The following CCDC102B variants were observed in gnomAD, a reference collection of about 807,000 sequenced individuals.
CCDC102B encodes coiled-coil domain-containing protein 102B.
A neutral mutation model predicts 57.4 loss-of-function variants in CCDC102B; 75 were observed. The ratio of observed to expected loss-of-function variants is 1.31; its 90% confidence interval spans 1.08 to 1.58. The LOEUF (loss-of-function observed/expected upper bound fraction) is 1.58, where lower values mean the gene tolerates loss of function less well. Ranked by LOEUF, CCDC102B falls within the 40% of genes most tolerant of loss-of-function variation. The probability of loss-of-function intolerance (pLI) is 0.00; values close to 1 mark genes in which losing one functional copy is unlikely to be tolerated. For synonymous variants in CCDC102B, 206 were observed against 201.9 expected, an observed-to-expected ratio of 1.02 and a Z score of -0.17; for missense variants, 636 against 582.6, an observed-to-expected ratio of 1.09 and a Z score of -0.94.
intron 6 of CCDC102B, among the ~76,000 whole-genome samples, chr18:68,909,467 A>G (rs2145064807): frequency 6.6e-6 from 1 of 152,316 alleles, no homozygotes; most frequent in East Asian, 1.9e-4. Flanking sequence ...AGATTCTACC[A>G]ATAAGTATTT....
chr18:68,866,347 G>A (rs1335813763), intron 4 of CCDC102B, among the ~76,000 whole-genome samples: 1 of 152,070 alleles, frequency 6.6e-6, no homozygotes, highest in Non-Finnish European at 1.5e-5. Flanking sequence ...TAATCTGGAG[G>A]CAATGGGATA....
At chr18:68,740,929 A>C (rs992762464) in intron 2 of CCDC102B, among the ~76,000 whole-genome samples, 1 of 152,218 alleles carries the variant, frequency 6.6e-6, no homozygotes, top group African/African-American at 2.4e-5. Context: ...GAAGGGAAGA[A>C]AATTGTTATT....
intron 2 of CCDC102B, among the ~76,000 whole-genome samples, chr18:68,746,847 A>T (rs188496421): frequency 6.6e-6 from 1 of 152,176 alleles, no homozygotes; most frequent in Non-Finnish European, 1.5e-5. Context: ...CATAAATATC[A>T]TTACCACGAT....
chr18:69,033,303 C>T (rs1467503259), intron 7 of CCDC102B, among the ~76,000 whole-genome samples: 2 of 152,064 alleles, frequency 1.3e-5, no homozygotes, highest in Non-Finnish European at 2.9e-5. Flanking sequence ...ATACACCATA[C>T]ATTTTGCCCA....
downstream of CCDC102B, among the ~76,000 whole-genome samples, chr18:69,056,639 A>AGATAGATAGATGGATG (rs1555678887): frequency 1.5e-5 from 2 of 129,944 alleles, no homozygotes; most frequent in Admixed American, 8.1e-5. Context: ...GATAGATAAT[A>AGATAGATAGATGGATG]GATAGATAGA....
chr18:68,916,273 A>G (rs2041070887), intron 6 of CCDC102B, among the ~76,000 whole-genome samples: 1 of 152,162 alleles, frequency 6.6e-6, no homozygotes, highest in African/African-American at 2.4e-5. Context: ...CCTAACACCC[A>G]GTAGACTACC....
chr18:68,784,775 C>T (rs1277172661), intron 2 of CCDC102B, among the ~76,000 whole-genome samples: 3 of 151,990 alleles, frequency 2.0e-5, no homozygotes, highest in Non-Finnish European at 4.4e-5. Context: ...TCTTTTAGTA[C>T]TTGGTTCAGA....
intron 2 of CCDC102B, among the ~76,000 whole-genome samples, chr18:68,727,717 C>T (rs2032661911): frequency 6.6e-6 from 1 of 152,188 alleles, no homozygotes; most frequent in Admixed American, 6.5e-5. Flanking sequence ...AGTGCCATGG[C>T]TCAGTATGGA....
At chr18:68,899,350 A>G (rs1246905194) in intron 6 of CCDC102B, among the ~76,000 whole-genome samples, 1 of 152,072 alleles carries the variant, frequency 6.6e-6, no homozygotes, top group African/African-American at 2.4e-5. Flanking sequence ...ACACAAAACC[A>G]TACTGTAGTT....
intron 1 of CCDC102B, among the ~76,000 whole-genome samples, chr18:68,822,127 G>T (rs1334930098): frequency 6.6e-6 from 1 of 152,158 alleles, no homozygotes; most frequent in Non-Finnish European, 1.5e-5. Context: ...TGGGCATGGT[G>T]GCTCACTCCT....
In CCDC102B at chr18:68,900,617, A is replaced by G. The variant is rs184407381; in HGVS notation, c.1263+3189A>G. Among the ~76,000 whole-genome samples the G allele has an allele frequency of 2.4e-3, 358 of 152,258 alleles. 4 individuals carry two copies. Among genetic ancestry groups the G allele is most frequent in the African/African-American group, 8.3e-3 (344 of 41,548 alleles). On this transcript the variant is annotated intron_variant, in intron 6 of 7. Coordinates refer to ENST00000360242, the MANE Select transcript of CCDC102B (RefSeq NM_024781.3). The stretch of plus-strand genomic sequence containing the variant: ...TAGTGGCATCGAAAGTGGGGTATAC[A>G]TGTCACACTGTGTTCAAAAAGCTCT...
At chr18:69,007,976 G>A (rs183682511) in intron 6 of CCDC102B, among the ~76,000 whole-genome samples, 313 of 152,186 alleles carry the variant, frequency 2.1e-3, no homozygotes, top group Non-Finnish European at 1.8e-3. Context: ...TACACCTAAT[G>A]ACAAAGCATT....
chr18:68,790,315 G>T (rs866887245), intron 2 of CCDC102B, among the ~76,000 whole-genome samples: 1 of 128,832 alleles, frequency 7.8e-6, no homozygotes, highest in East Asian at 2.0e-4. Context: ...GAGGTGGAGC[G>T]TACAGAGGCA....
intron 6 of CCDC102B, among the ~76,000 whole-genome samples, chr18:68,927,441 C>T (rs1490888557): frequency 6.6e-6 from 1 of 151,754 alleles, no homozygotes; most frequent in Non-Finnish European, 1.5e-5. Context: ...AGAGTGTAGA[C>T]CTAACAGTCA....
intron 7 of CCDC102B, chr18:69,011,316 G>A: frequency 2.0e-6 from 1 of 509,672 alleles, no homozygotes; most frequent in South Asian, 4.2e-5. Flanking sequence ...TTTTACGAGT[G>A]CTCTATAGTG....
intron 6 of CCDC102B, among the ~76,000 whole-genome samples, chr18:68,975,676 T>G (rs1423955444): frequency 6.6e-6 from 1 of 152,062 alleles, no homozygotes; most frequent in African/African-American, 2.4e-5. Context: ...AAGGCTTTTC[T>G]GTGTAGTGTT....
At chr18:69,000,014 A>T (rs957412189) in intron 6 of CCDC102B, among the ~76,000 whole-genome samples, 2 of 152,284 alleles carry the variant, frequency 1.3e-5, no homozygotes, top group Non-Finnish European at 2.9e-5. Context: ...AAAGAAATGT[A>T]TCAAAGGAAA....
At chr18:68,784,283 CG>C (rs1476132380) in intron 2 of CCDC102B, among the ~76,000 whole-genome samples, 1 of 152,030 alleles carries the variant, frequency 6.6e-6, no homozygotes. Context: ...GTGAGTGAGG[CG>C]TCTCACATGG....
chr18:68,834,755 T>G (rs1654158894), intron 1 of CCDC102B, among the ~76,000 whole-genome samples: 1 of 151,908 alleles, frequency 6.6e-6, no homozygotes, highest in South Asian at 2.1e-4. Context: ...AGTTTAAAAT[T>G]ATAAGGTCTA....
Sources: gnomAD v4.1 joint callset for allele counts (sites outside exome capture counted in the v4.1 genomes callset) on GRCh38, gnomAD v4.1.1 for gene constraint, MANE v1.5 for transcripts, NCBI Gene and HGNC (gene_info 2026-07-23, HGNC 2026-07-21) for gene names.